The following XRCC5 variants were observed in gnomAD, a reference collection of about 807,000 sequenced individuals.
XRCC5 encodes the protein X-ray repair cross complementing 5.
XRCC5 carries 12 observed loss-of-function variants against 95.7 expected under a neutral mutation model. The observed-to-expected ratio is 0.13, with a 90% CI of 0.08 to 0.20. The LOEUF is 0.20. Ranked by LOEUF, XRCC5 falls within the 10% of genes least tolerant of loss-of-function variation. XRCC5 has a pLI of 1.00. For synonymous variants in XRCC5, 281 were observed against 290.3 expected (o/e 0.97, Z 0.33); for missense variants, 595 against 873.9 (o/e 0.68, Z 4.02).
chr2:216,122,007 G>C, intron 5 of XRCC5, 55 bp from the exon 6 acceptor site: 2 of 1,440,604 alleles, frequency 1.4e-6, no homozygotes, highest in Non-Finnish European at 1.9e-6. Flanking sequence ...TCTCATAGCT[G>C]ATGAGTTACA....
At chr2:216,153,456 G>A (rs1283831676) in intron 14 of XRCC5, among the ~76,000 whole-genome samples, 2 of 152,194 alleles carry the variant, frequency 1.3e-5, no homozygotes, top group Admixed American at 6.5e-5. Context: ...ATTAAAGCAA[G>A]GGTTTTTAAT....
At chr2:216,197,343 C>G (rs1196910390) in intron 19 of XRCC5, among the ~76,000 whole-genome samples, 2 of 151,518 alleles carry the variant, frequency 1.3e-5, no homozygotes, top group East Asian at 3.9e-4. Context: ...AGACAACTCT[C>G]CTGAGACAGG....
intron 7 of XRCC5, among the ~76,000 whole-genome samples, chr2:216,126,452 C>T (rs1348788035): frequency 6.6e-6 from 1 of 152,158 alleles, no homozygotes; most frequent in Non-Finnish European, 1.5e-5. Context: ...ATAGTAACAA[C>T]ATCTGTGAAA....
intron 4 of XRCC5, 146 bp downstream of exon 4, chr2:216,117,940 A>G: frequency 1.3e-6 from 1 of 799,938 alleles, no homozygotes; most frequent in Non-Finnish European, 2.0e-6. Context: ...TGAATGGTTC[A>G]GTCCAACCTC....
intron 14 of XRCC5, among the ~76,000 whole-genome samples, chr2:216,159,082 A>C (rs1688900185): frequency 6.6e-6 from 1 of 152,204 alleles, no homozygotes; most frequent in Admixed American, 6.5e-5. Context: ...TTTCACAATA[A>C]ATGCATATTT....
At position 216,131,042 on chromosome 2, in the gene XRCC5, A is replaced by G. The variant is rs182960328; in HGVS notation, c.1050+55A>G. 14 of 1,487,648 alleles carry G rather than the reference A, an allele frequency of 9.4e-6. No homozygotes were observed. The Admixed American group carries it at 1.4e-4, about 15-fold the overall frequency. 92.2% of individuals were successfully genotyped at this position (1,487,648 alleles called of 1,614,324 possible). ...TTTCCTAGCTGTTATTTGAAATGGTATGCTTTTGATTGGTCATTTTATTTA... is the reference window on the plus strand; with the variant it reads ...TTTCCTAGCTGTTATTTGAAATGGTGTGCTTTTGATTGGTCATTTTATTTA... On this transcript the variant is annotated intron_variant, in intron 9 of 20. Transcript: ENST00000392132.
intron 16 of XRCC5, among the ~76,000 whole-genome samples, chr2:216,162,943 C>G (rs978903476): frequency 6.6e-6 from 1 of 152,168 alleles, no homozygotes; most frequent in Admixed American, 6.5e-5. Context: ...ATTCAGGTTT[C>G]TGTTCATTTA....
At chr2:216,117,894 G>A (rs1336548552) in intron 4 of XRCC5, 100 bp downstream of exon 4, 2 of 1,222,780 alleles carry the variant, frequency 1.6e-6, no homozygotes, top group Admixed American at 1.8e-5. Context: ...TAATCAAGCT[G>A]CATGTTTGTG....
intron 14 of XRCC5, among the ~76,000 whole-genome samples, chr2:216,148,527 A>AT (rs1273985780): frequency 6.6e-6 from 1 of 152,188 alleles, no homozygotes; most frequent in Non-Finnish European, 1.5e-5. Flanking sequence ...TCAGCATCAG[A>AT]TTCTTGGTGA....
intron 14 of XRCC5, among the ~76,000 whole-genome samples, chr2:216,151,311 C>T (rs1385995281): frequency 6.6e-6 from 1 of 152,202 alleles, no homozygotes; most frequent in African/African-American, 2.4e-5. Flanking sequence ...AAAATGTCAT[C>T]TCTTGGACGG....
At chr2:216,110,455 G>A (rs1327757647) in intron 1 of XRCC5, 4 of 151,842 alleles carry the variant, frequency 2.6e-5, no homozygotes, top group Non-Finnish European at 4.4e-5. Context: ...TCCTTTTTTC[G>A]TCCTCTTTCA....
intron 14 of XRCC5, among the ~76,000 whole-genome samples, chr2:216,158,544 A>G (rs1688890242): frequency 6.6e-6 from 1 of 152,082 alleles, no homozygotes; most frequent in Admixed American, 6.6e-5. Flanking sequence ...ATGGAATTTC[A>G]TTCTACCTTG....
intron 13 of XRCC5, 133 bp downstream of exon 13, chr2:216,141,452 G>A: frequency 1.4e-6 from 1 of 715,496 alleles, no homozygotes; most frequent in Non-Finnish European, 2.1e-6. Flanking sequence ...TTTAATGGAA[G>A]AATAACATCT....
intron 16 of XRCC5, among the ~76,000 whole-genome samples, chr2:216,171,758 G>T (rs1689170398): frequency 6.6e-6 from 1 of 152,038 alleles, no homozygotes; most frequent in Non-Finnish European, 1.5e-5. Flanking sequence ...CACTGTCTAA[G>T]TTTTCATACT....
At chr2:216,176,883 A>T (rs1050942280) in intron 16 of XRCC5, among the ~76,000 whole-genome samples, 2 of 152,224 alleles carry the variant, frequency 1.3e-5, no homozygotes, top group Admixed American at 6.5e-5. Flanking sequence ...CACACCATAA[A>T]TTGCGATGTG....
At chr2:216,169,710 T>C (rs59114750) in intron 16 of XRCC5, among the ~76,000 whole-genome samples, 21,988 of 151,818 alleles carry the variant, frequency 0.14, 1,685 homozygotes, top group African/African-American at 0.19. Flanking sequence ...TTAAAATTAA[T>C]GCTGGAAGGT....
At chr2:216,136,122 C>T (rs887784099) in intron 10 of XRCC5, among the ~76,000 whole-genome samples, 1 of 151,864 alleles carries the variant, frequency 6.6e-6, no homozygotes, top group Admixed American at 6.6e-5. Context: ...TTTGGGAGGC[C>T]GAGGCAGGCG....
intron 19 of XRCC5, among the ~76,000 whole-genome samples, chr2:216,199,808 A>ATTTTTT (rs879564899): frequency 1.6e-5 from 2 of 121,900 alleles, no homozygotes; most frequent in African/African-American, 6.4e-5. Flanking sequence ...TGGCATTGGG[A>ATTTTTT]TCTTTTTTTT....
At chr2:216,170,901 A>G (rs751460976) in intron 16 of XRCC5, among the ~76,000 whole-genome samples, 21 of 152,142 alleles carry the variant, frequency 1.4e-4, no homozygotes, top group Non-Finnish European at 2.6e-4. Flanking sequence ...TCTTCCTTCC[A>G]TGGTAGGTCA....
Sources: allele counts gnomAD v4.1 joint callset (sites outside exome capture counted in the v4.1 genomes callset), GRCh38; gene constraint gnomAD v4.1.1; transcripts MANE v1.5; gene names NCBI Gene and HGNC (gene_info 2026-07-23, HGNC 2026-07-21).